Variants in MYBPC1 observed in about 807,000 individuals in gnomAD.
MYBPC1 encodes myosin-binding protein C, slow-type.
MYBPC1 carries 52 observed loss-of-function variants against 147.1 expected under a neutral mutation model. That is an observed-to-expected ratio of 0.35 (90% CI 0.28 to 0.45). The LOEUF (loss-of-function observed/expected upper bound fraction) is 0.45. MYBPC1 is among the 20% of genes least tolerant of loss of function. The probability of loss-of-function intolerance (pLI) is 1.00; values close to 1 mark genes in which losing one functional copy is unlikely to be tolerated. For synonymous variants in MYBPC1, 477 were observed against 475.9 expected, an observed-to-expected ratio of 1.00 and a Z score of -0.03; for missense variants, 1,228 against 1,440.3, an observed-to-expected ratio of 0.85 and a Z score of 2.39.
Position 101,663,419 on chromosome 12 carries a change from C to T in MYBPC1, c.2222-7C>T. 1.2e-6 allele frequency: 2 copies of T among 1,612,296 alleles called. No homozygotes were observed. The highest frequency in any genetic ancestry group is 8.5e-7 in the Non-Finnish European group (1 of 1,178,406). Reference sequence around the variant, plus strand: ...GTTTATTCTTTTCTGTCTCTTTTATCTTTAAGCTGTAACAAGCCCTCCTAC... The same window carrying T: ...GTTTATTCTTTTCTGTCTCTTTTATTTTTAAGCTGTAACAAGCCCTCCTAC... On this transcript the variant is annotated splice_polypyrimidine_tract_variant and splice_region_variant and intron_variant, in intron 21 of 31. Coordinates refer to ENST00000361466, the MANE Select transcript of MYBPC1 (RefSeq NM_002465.4).
rs114273174 is a variant in MYBPC1, at chr12:101,649,116, C to T, written c.1197-144C>T. 1,085 of 724,256 alleles carry T rather than the reference C, an allele frequency of 1.5e-3. 6 individuals are homozygous for T. In the African/African-American group the frequency reaches 0.016, roughly 11 times the overall value. 44.9% of individuals were successfully genotyped at this position (724,256 alleles called of 1,614,324 possible). A position where few individuals can be genotyped will look rare whatever the true frequency, so the allele number is the denominator to read the frequency against. On this transcript the variant is annotated intron_variant, in intron 14 of 31. Coordinates refer to ENST00000361466, the MANE Select transcript of MYBPC1 (RefSeq NM_002465.4). ...CTACTGATGGATACAGAGATTGATTCGTACATTTTTTAATTCAACAAATAG... is the reference window on the plus strand; with the variant it reads ...CTACTGATGGATACAGAGATTGATTTGTACATTTTTTAATTCAACAAATAG...
chr12:101,632,641 A>T (rs992585329), intron 8 of MYBPC1, among the ~76,000 whole-genome samples: 5 of 152,276 alleles, frequency 3.3e-5, no homozygotes, highest in Admixed American at 6.5e-5. Flanking sequence ...TTTTACAAGT[A>T]TACAAAGGAA....
intron 29 of MYBPC1, 134 bp downstream of exon 29, chr12:101,680,663 C>A: frequency 1.9e-6 from 2 of 1,047,888 alleles, no homozygotes; most frequent in Non-Finnish European, 2.9e-6. Flanking sequence ...GTGGTGAGGG[C>A]AAGGGAAGCA....
intron 23 of MYBPC1, among the ~76,000 whole-genome samples, chr12:101,668,531 G>C (rs1897919235): frequency 6.6e-6 from 1 of 151,778 alleles, no homozygotes; most frequent in African/African-American, 2.4e-5. Flanking sequence ...GCACAATCTT[G>C]GCCACTGCAA....
At chr12:101,689,815 C>T (rs1392558584), downstream of MYBPC1, among the ~76,000 whole-genome samples, 1 of 152,106 alleles carries the variant, frequency 6.6e-6, no homozygotes, top group Non-Finnish European at 1.5e-5. Flanking sequence ...TGTGCAAGTC[C>T]CTCCTTACTC....
At chr12:101,632,935 A>G (rs1890208784) in intron 8 of MYBPC1, among the ~76,000 whole-genome samples, 1 of 152,158 alleles carries the variant, frequency 6.6e-6, no homozygotes, top group South Asian at 2.1e-4. Context: ...GGATTTCGCC[A>G]TATTAGCCAG....
Position 101,675,311 on chromosome 12 carries a change from A to G in MYBPC1, c.2829A>G (p.Gln943=), listed in dbSNP as rs374499238. 3.1e-6 allele frequency: 5 copies of G among 1,614,076 alleles called. No individual in the cohort carries two copies. The highest frequency in any genetic ancestry group is 4.2e-6 in the Non-Finnish European group (5 of 1,179,970). The stretch of plus-strand genomic sequence containing the variant: ...CTGTAGACCGTCCAGGTCCACCCCA[A>G]ATTGTGAAGATTGAGGATGTCTGGG... ...IQIIDRPGPP[Q]IVKIEDVWGE... is the part of the protein sequence containing the mutation. The change falls in exon 26 of 32, where the codon CAA becomes CAG. Residue 943 remains glutamine, a synonymous_variant. Coordinates refer to ENST00000361466, the MANE Select transcript of MYBPC1 (RefSeq NM_002465.4).
At chr12:101,694,794 C>T in the MYBPC1 span, among the ~76,000 whole-genome samples, 6 of 150,764 alleles carry the variant, frequency 4.0e-5, no homozygotes, top group Non-Finnish European at 8.8e-5. Context: ...TTGTGCAATT[C>T]ATTCATGTTC....
chr12:101,677,375 T>A lies in MYBPC1; in HGVS notation c.3090T>A (p.Ser1030Arg). 7 of 1,613,790 alleles carry A rather than the reference T, an allele frequency of 4.3e-6. No homozygotes were observed. Among genetic ancestry groups the A allele is most frequent in the Non-Finnish European group, 5.9e-6 (7 of 1,179,932 alleles). ...AGGATGCCACCATGACTAAAGAGAG[T>A]GCAGTGATCGCCAGGGATGGTGAGT... is the stretch of plus-strand genomic sequence containing the variant. ...LSEDATMTKE[S>R]AVIARDGKIY... The change falls in exon 27 of 32, where the codon AGT (serine) becomes AGA (arginine). Residue 1030 changes from serine (S) to arginine (R), a missense_variant. By Grantham distance (110) the Ser-to-Arg change is moderately radical. Transcript: ENST00000361466.
Position 101,682,700 on chromosome 12 carries a change from C to A in MYBPC1, c.3492+38C>A, listed in dbSNP as rs374006350. On this transcript the variant is annotated intron_variant, in intron 30 of 31. Transcript: ENST00000361466. The stretch of plus-strand genomic sequence containing the variant: ...TATATCCCACTGGATATTCTACTTT[C>A]CGTTCCATTCCTCTTACATGAAAAT... 2.6e-5 allele frequency: 40 copies of A among 1,546,802 alleles called. No homozygotes were observed. In the African/African-American group the frequency reaches 4.1e-4, roughly 16 times the overall value.
At chr12:101,644,458 G>T (rs954100166) in intron 11 of MYBPC1, among the ~76,000 whole-genome samples, 2 of 152,060 alleles carry the variant, frequency 1.3e-5, no homozygotes, top group African/African-American at 4.8e-5. Flanking sequence ...AGAAACATGT[G>T]GATTCTCTTT....
chr12:101,689,528 TTA>T (rs1172628587), downstream of MYBPC1, among the ~76,000 whole-genome samples: 4 of 151,822 alleles, frequency 2.6e-5, no homozygotes. Context: ...AACTTGACTG[TTA>T]TATTAGGGTT....
chr12:101,627,485 C>T (rs1888874506), intron 4 of MYBPC1, among the ~76,000 whole-genome samples: 1 of 152,156 alleles, frequency 6.6e-6, no homozygotes, highest in African/African-American at 2.4e-5. Flanking sequence ...TCAAGTGATC[C>T]ACCCACTTTG....
At chr12:101,602,893 T>C (rs537969106) in intron 1 of MYBPC1, among the ~76,000 whole-genome samples, 3 of 152,228 alleles carry the variant, frequency 2.0e-5, no homozygotes, top group Admixed American at 6.5e-5. Flanking sequence ...CGGGGGTCTG[T>C]AGTTGTCAGC....
In MYBPC1 at chr12:101,685,988, C is replaced by A. The variant is rs1448688196; in HGVS notation, c.*426C>A. 1.1e-5 allele frequency: 2 copies of A among 175,216 alleles called. No individual in the cohort carries two copies. The highest frequency in any genetic ancestry group is 6.4e-5 in the Admixed American group (1 of 15,690). The allele number at this position is 175,216 out of a possible 1,614,324, so 10.9% of individuals were successfully genotyped here. ...TTGTTTACATAGTAGGCTATAAATG[C>A]TTTTTTTTTCCTCTCAGAGTAAAAA... On this transcript the variant is annotated 3_prime_UTR_variant, in exon 32 of 32. Transcript: ENST00000361466.
At chr12:101,598,681 C>T (rs1878521162) in intron 1 of MYBPC1, among the ~76,000 whole-genome samples, 1 of 152,136 alleles carries the variant, frequency 6.6e-6, no homozygotes, top group Non-Finnish European at 1.5e-5. Flanking sequence ...TCAAGCAATC[C>T]TCCCACCTCA....
the MYBPC1 span, among the ~76,000 whole-genome samples, chr12:101,694,844 TTAAACTTGCTATA>T: frequency 3.9e-4 from 60 of 152,334 alleles, no homozygotes; most frequent in African/African-American, 1.4e-3. Flanking sequence ...TACTGCCATA[TTAAACTTGCTATA>T]TAATATTAAA....
Position 101,649,265 on chromosome 12 carries a change from A to G in MYBPC1, c.1202A>G (p.Lys401Arg). 4 of 1,613,210 alleles carry G rather than the reference A, an allele frequency of 2.5e-6. No individual in the cohort carries two copies. Among genetic ancestry groups the G allele is most frequent in the Non-Finnish European group, 3.4e-6 (4 of 1,179,234 alleles). The change falls in exon 15 of 32, where the codon AAG becomes AGG. Residue 401 changes from lysine (K) to arginine (R), a missense_variant. Coordinates refer to ENST00000361466, the MANE Select transcript of MYBPC1 (RefSeq NM_002465.4). ...AATATTTTATCTTAATTCAGGTTTA[A>G]GAATGGTGAAGAGATTATCCCTGGT... ...SEDDANVKWF[K>R]NGEEIIPGPK... is the part of the protein sequence containing the mutation.
At chr12:101,678,031 G>GT in intron 27 of MYBPC1, 71 bp from the exon 28 acceptor site, 1 of 1,542,916 alleles carries the variant, frequency 6.5e-7, no homozygotes, top group Non-Finnish European at 9.0e-7. Flanking sequence ...CATGTGTAAA[G>GT]TATGCCACCA....
Sources: allele counts gnomAD v4.1 joint callset (sites outside exome capture counted in the v4.1 genomes callset), GRCh38; gene constraint gnomAD v4.1.1; transcripts MANE v1.5; gene names NCBI Gene and HGNC (gene_info 2026-07-23, HGNC 2026-07-21).